NEDD4L: variants seen among roughly 807,000 people sequenced by gnomAD.
NEDD4L encodes the protein E3 ubiquitin-protein ligase NEDD4-like.
In NEDD4L, 54 loss-of-function variants were observed where a neutral mutation model predicts 148.9. That is an observed-to-expected ratio of 0.36 (90% CI 0.29 to 0.45). The LOEUF (loss-of-function observed/expected upper bound fraction) is 0.45. Ranked by LOEUF, NEDD4L falls within the 20% of genes least tolerant of loss-of-function variation. The pLI is 1.00. For synonymous variants in NEDD4L, 433 were observed against 440.7 expected, an observed-to-expected ratio of 0.98 and a Z score of 0.22; for missense variants, 856 against 1,233.8, an observed-to-expected ratio of 0.69 and a Z score of 4.59.
chr18:58,225,837 G>T (rs752247141), intron 2 of NEDD4L, among the ~76,000 whole-genome samples: 12 of 152,176 alleles, frequency 7.9e-5, no homozygotes, highest in Non-Finnish European at 1.6e-4. Context: ...ATTAGTAGTA[G>T]TGTTGAGGGA....
At chr18:58,304,414 T>C (rs1368312114) in intron 5 of NEDD4L, among the ~76,000 whole-genome samples, 2 of 151,776 alleles carry the variant, frequency 1.3e-5, no homozygotes, top group Non-Finnish European at 2.9e-5. Flanking sequence ...CTCAGGAGGC[T>C]GAAGTGGGAG....
At chr18:58,165,142 T>G (rs2036689431) in intron 1 of NEDD4L, among the ~76,000 whole-genome samples, 1 of 152,196 alleles carries the variant, frequency 6.6e-6, no homozygotes, top group Non-Finnish European at 1.5e-5. Context: ...CATGTCGGTA[T>G]TTCAAGGCCC....
intron 1 of NEDD4L, among the ~76,000 whole-genome samples, chr18:58,056,351 G>A (rs1283945393): frequency 6.6e-6 from 1 of 152,168 alleles, no homozygotes; most frequent in Non-Finnish European, 1.5e-5. Context: ...TTTTATGGTG[G>A]CCCATAAATT....
At chr18:58,167,357 A>C (rs529372404) in intron 2 of NEDD4L, among the ~76,000 whole-genome samples, 1 of 152,310 alleles carries the variant, frequency 6.6e-6, no homozygotes, top group African/African-American at 2.4e-5. Context: ...TCAGAGCAAC[A>C]CTTTCAGCCA....
At chr18:58,315,828 G>A (rs933550931) in intron 5 of NEDD4L, among the ~76,000 whole-genome samples, 154 bp from the exon 6 acceptor site, 2 of 152,206 alleles carry the variant, frequency 1.3e-5, no homozygotes, top group Non-Finnish European at 2.9e-5. Context: ...GTCTCCCGGG[G>A]TGTGGTTACT....
chr18:58,207,982 G>A (rs952934166), intron 2 of NEDD4L, among the ~76,000 whole-genome samples: 3 of 152,166 alleles, frequency 2.0e-5, no homozygotes, highest in Admixed American at 6.5e-5. Flanking sequence ...GGCGGAGGTT[G>A]CAGTGAGCCA....
At chr18:58,357,592 G>A (rs1340929349) in intron 19 of NEDD4L, 1 of 454,242 alleles carries the variant, frequency 2.2e-6, no homozygotes, top group South Asian at 1.8e-5. Flanking sequence ...TCTTCATAAA[G>A]TGTTATCATT....
chr18:58,046,870 AG>A (rs2144377990), intron 1 of NEDD4L: 1 of 152,352 alleles, frequency 6.6e-6, no homozygotes, highest in South Asian at 2.1e-4. Flanking sequence ...GATGAGTCTC[AG>A]CCGTCTTCCT....
chr18:58,123,928 C>T (rs1374676011), intron 1 of NEDD4L, among the ~76,000 whole-genome samples: 1 of 152,188 alleles, frequency 6.6e-6, no homozygotes, highest in African/African-American at 2.4e-5. Flanking sequence ...CTTTTTCCTC[C>T]TGCATTATTC....
intron 10 of NEDD4L, among the ~76,000 whole-genome samples, chr18:58,330,449 A>G (rs2059697792): frequency 6.6e-6 from 1 of 152,204 alleles, no homozygotes; most frequent in South Asian, 2.1e-4. Context: ...AGTGGTTAAG[A>G]GCACAGCCTC....
intron 1 of NEDD4L, among the ~76,000 whole-genome samples, chr18:58,086,365 T>G (rs2083758551): frequency 1.3e-5 from 2 of 152,168 alleles, no homozygotes; most frequent in Admixed American, 1.3e-4. Context: ...AGTGGTTCCC[T>G]GCAGGGTGGG....
intron 1 of NEDD4L, among the ~76,000 whole-genome samples, chr18:58,106,980 T>A (rs774081044): frequency 5.9e-5 from 9 of 152,144 alleles, no homozygotes; most frequent in Admixed American, 1.3e-4. Flanking sequence ...CATTTATTTA[T>A]TTTTTTAATA....
chr18:58,109,517 T>A (rs1327022623), intron 1 of NEDD4L, among the ~76,000 whole-genome samples: 1 of 151,672 alleles, frequency 6.6e-6, no homozygotes, highest in Non-Finnish European at 1.5e-5. Context: ...GGACTAGATT[T>A]GTGAAAGGGG....
At chr18:58,361,983 A>G (rs1313646950) in intron 19 of NEDD4L, among the ~76,000 whole-genome samples, 1 of 152,230 alleles carries the variant, frequency 6.6e-6, no homozygotes, top group Non-Finnish European at 1.5e-5. Context: ...AGAGAATGTA[A>G]AAACTTGCTC....
chr18:58,364,468 T>A, intron 20 of NEDD4L, 135 bp downstream of exon 20: 1 of 598,594 alleles, frequency 1.7e-6, no homozygotes, highest in Non-Finnish European at 2.9e-6. Context: ...CTCTGCACTT[T>A]GATCCTCCTG....
chr18:58,088,605 G>A (rs1468377413), intron 1 of NEDD4L, among the ~76,000 whole-genome samples: 3 of 152,068 alleles, frequency 2.0e-5, no homozygotes, highest in African/African-American at 4.8e-5. Flanking sequence ...TTTTACTTTC[G>A]TGAAAGGAAC....
chr18:58,319,939 A>T (rs1216118441), intron 6 of NEDD4L, among the ~76,000 whole-genome samples: 1 of 152,204 alleles, frequency 6.6e-6, no homozygotes, highest in Non-Finnish European at 1.5e-5. Context: ...CCTGTAAGTT[A>T]TGGTTACTGC....
intron 2 of NEDD4L, among the ~76,000 whole-genome samples, chr18:58,207,847 A>G (rs1454596999): frequency 6.6e-6 from 1 of 152,178 alleles, no homozygotes; most frequent in African/African-American, 2.4e-5. Flanking sequence ...GAAGGGAGGT[A>G]TATTGAGACC....
chr18:58,161,549 A>T (rs1599235630), intron 1 of NEDD4L, among the ~76,000 whole-genome samples: 1 of 151,928 alleles, frequency 6.6e-6, no homozygotes, highest in African/African-American at 2.4e-5. Flanking sequence ...AGAGGTAATT[A>T]CTACTAACAT....
Sources: gnomAD v4.1 joint callset for allele counts (sites outside exome capture counted in the v4.1 genomes callset) on GRCh38, gnomAD v4.1.1 for gene constraint, MANE v1.5 for transcripts, NCBI Gene and HGNC (gene_info 2026-07-23, HGNC 2026-07-21) for gene names.